Variants in PXDNL observed in about 807,000 individuals in gnomAD.
PXDNL encodes the protein probable oxidoreductase PXDNL.
A neutral mutation model predicts 150.8 loss-of-function variants in PXDNL; 145 were observed. That is an observed-to-expected ratio of 0.96 (90% CI 0.84 to 1.10). The LOEUF (loss-of-function observed/expected upper bound fraction) is 1.10, where lower values mean the gene tolerates loss of function less well. PXDNL is among the 50% of genes least tolerant of loss of function. The pLI, the probability that PXDNL is intolerant of heterozygous loss-of-function variation, is 0.00. For synonymous variants in PXDNL, 757 were observed against 725.7 expected (o/e 1.04, Z -0.69); for missense variants, 2,087 against 1,873.9 (o/e 1.11, Z -2.10).
At chr8:51,557,882 G>C (rs954218480) in intron 3 of PXDNL, among the ~76,000 whole-genome samples, 1 of 152,078 alleles carries the variant, frequency 6.6e-6, no homozygotes, top group Non-Finnish European at 1.5e-5. Flanking sequence ...TTCCAAACCA[G>C]TTTCTTTTCC....
chr8:51,350,354 C>CTTTTTT lies in PXDNL; in HGVS notation c.3902-4413_3902-4408dup, dbSNP rs1163628780. Among the ~76,000 whole-genome samples, 533 of 77,828 alleles carry CTTTTTT rather than the reference C, an allele frequency of 6.8e-3. 28 individuals are homozygous for CTTTTTT. The highest frequency in any genetic ancestry group is 0.024 in the African/African-American group (464 of 19,124). 51.1% of individuals were successfully genotyped at this position (77,828 alleles called of 152,430 possible). ...AGTCTTTTATTAGCAAATGCAGCTT[C>CTTTTTT]TTTTTTTTTTTTTTTTTTTTTTGAG... On this transcript the variant is annotated intron_variant, in intron 19 of 22. Coordinates refer to ENST00000356297, the MANE Select transcript of PXDNL (RefSeq NM_144651.5).
intron 17 of PXDNL, among the ~76,000 whole-genome samples, chr8:51,375,433 A>G (rs936646519): frequency 5.3e-5 from 8 of 152,228 alleles, no homozygotes; most frequent in Non-Finnish European, 1.5e-5. Flanking sequence ...GATAAACGTG[A>G]CACCAACTTA....
At chr8:51,774,508 C>A (rs556973529) in intron 1 of PXDNL, among the ~76,000 whole-genome samples, 9 of 152,208 alleles carry the variant, frequency 5.9e-5, no homozygotes, top group African/African-American at 2.2e-4. Context: ...TGTAAGTTCA[C>A]AAAAGAGGCT....
intron 9 of PXDNL, among the ~76,000 whole-genome samples, chr8:51,454,913 G>A (rs16916332): frequency 0.038 from 5,845 of 152,056 alleles, 264 homozygotes; most frequent in East Asian, 0.25. Context: ...CTCAGAGTTA[G>A]GTGTAAATGT....
chr8:51,722,301 G>A (rs919368814), intron 1 of PXDNL: 3 of 152,408 alleles, frequency 2.0e-5, no homozygotes, highest in African/African-American at 7.2e-5. Context: ...ATGGGAGGGG[G>A]AGCACACAGA....
At chr8:51,712,826 T>C (rs1359426572) in intron 1 of PXDNL, among the ~76,000 whole-genome samples, 2 of 152,240 alleles carry the variant, frequency 1.3e-5, no homozygotes, top group East Asian at 3.8e-4. Flanking sequence ...TTGAAAATAC[T>C]TCTAATACCT....
intron 5 of PXDNL, among the ~76,000 whole-genome samples, chr8:51,494,424 T>C (rs930167743): frequency 1.3e-5 from 2 of 151,368 alleles, no homozygotes; most frequent in African/African-American, 4.9e-5. Flanking sequence ...GATTCACACA[T>C]AACAATATTA....
chr8:51,547,407 A>C (rs1812384752), intron 4 of PXDNL, among the ~76,000 whole-genome samples: 1 of 152,036 alleles, frequency 6.6e-6, no homozygotes, highest in Admixed American at 6.5e-5. Flanking sequence ...ACACTAAATA[A>C]AACTCCAACA....
rs568214216 is a variant in PXDNL, at chr8:51,737,231, C to T, written c.164+71950G>A. Among the ~76,000 whole-genome samples the T allele has an allele frequency of 3.9e-5, 6 of 152,340 alleles. No individual in the cohort carries two copies. In the East Asian group the frequency reaches 1.2e-3, roughly 29 times the overall value. On this transcript the variant is annotated intron_variant, in intron 1 of 22. Transcript: ENST00000356297. ...TAAAAGATAAAACTCTGTTTTTCTG[C>T]TAATGGAAACATCATGTATCCTCTA...
intron 1 of PXDNL, among the ~76,000 whole-genome samples, chr8:51,747,466 A>T (rs563981425): frequency 6.6e-6 from 1 of 152,232 alleles, no homozygotes; most frequent in Non-Finnish European, 1.5e-5. Context: ...ATTACAAACT[A>T]ACCACAACAC....
intron 4 of PXDNL, among the ~76,000 whole-genome samples, chr8:51,542,853 T>G (rs1169380572): frequency 1.3e-5 from 2 of 151,492 alleles, no homozygotes; most frequent in Non-Finnish European, 2.9e-5. Context: ...TCTTTTACAA[T>G]AAACTAGACA....
At chr8:51,420,668 T>C (rs1483157284) in intron 14 of PXDNL, among the ~76,000 whole-genome samples, 1 of 152,204 alleles carries the variant, frequency 6.6e-6, no homozygotes, top group Non-Finnish European at 1.5e-5. Context: ...AATAAAGTGA[T>C]TAATACATTT....
chr8:51,638,793 G>A (rs1007987434), intron 2 of PXDNL, among the ~76,000 whole-genome samples: 2 of 152,024 alleles, frequency 1.3e-5, no homozygotes, highest in African/African-American at 2.4e-5. Flanking sequence ...ACAGATCAAC[G>A]AGACAGAAAG....
At chr8:51,613,240 G>T (rs1004903200) in intron 2 of PXDNL, among the ~76,000 whole-genome samples, 2 of 151,900 alleles carry the variant, frequency 1.3e-5, no homozygotes, top group Non-Finnish European at 2.9e-5. Context: ...ATGGCCAGAG[G>T]GATGTGAAGA....
chr8:51,447,231 C>G, intron 11 of PXDNL, 69 bp from the exon 12 acceptor site: 1 of 1,522,070 alleles, frequency 6.6e-7, no homozygotes, highest in Non-Finnish European at 9.0e-7. Context: ...GCTGGCTGTC[C>G]TGGCTAAAGG....
chr8:51,336,085 C>A (rs1805824391), intron 21 of PXDNL, among the ~76,000 whole-genome samples: 1 of 152,244 alleles, frequency 6.6e-6, no homozygotes, highest in Admixed American at 6.5e-5. Flanking sequence ...GGTAAGAAAT[C>A]TTTAGCTGAA....
At chr8:51,460,340 G>A (rs6473601) in intron 8 of PXDNL, among the ~76,000 whole-genome samples, 144,969 of 148,780 alleles carry the variant, frequency 0.97, 70,749 homozygotes, top group East Asian at 1. Flanking sequence ...TACTGGAACT[G>A]TCAATCATAT....
At position 51,319,986 on chromosome 8, in the gene PXDNL, G is replaced by A; in HGVS notation, c.4297C>T (p.Pro1433Ser). 1 of 1,570,522 alleles carries A rather than the reference G, an allele frequency of 6.4e-7. No homozygotes were observed. The highest frequency in any genetic ancestry group is 1.2e-5 in the South Asian group (1 of 84,152). ...QVTCVVEICP[P>S]APCPSPELVK... ...AATTCAGGACTGGGACAGGGAGCCG[G>A]GGGACAAATCTCCACCACACAGGTG... The change falls in exon 23 of 23, where the codon CCG becomes TCG. Residue 1433 changes from proline to serine, a missense_variant. Transcript: ENST00000356297.
intron 2 of PXDNL, among the ~76,000 whole-genome samples, chr8:51,594,540 A>T (rs898678997): frequency 2.0e-5 from 3 of 152,224 alleles, no homozygotes; most frequent in African/African-American, 7.2e-5. Flanking sequence ...CAAAAATGAA[A>T]CATAAGATTT....
Sources: allele counts gnomAD v4.1 joint callset (sites outside exome capture counted in the v4.1 genomes callset), GRCh38; gene constraint gnomAD v4.1.1; transcripts MANE v1.5; gene names NCBI Gene and HGNC (gene_info 2026-07-23, HGNC 2026-07-21).